CCDC93: variants seen among roughly 807,000 people sequenced by gnomAD.
The protein encoded by CCDC93 is CCC complex scaffolding subunit CCDC93.
In CCDC93, 61 loss-of-function variants were observed where a neutral mutation model predicts 108.2. That is an observed-to-expected ratio of 0.56 (90% confidence interval 0.46 to 0.70). The LOEUF is 0.70. Among genes scored for constraint, CCDC93 ranks in the 30% least tolerant of loss-of-function variants. CCDC93 has a pLI of 0.00. For synonymous variants in CCDC93, 276 were observed against 260.4 expected (o/e 1.06, Z -0.58); for missense variants, 685 against 764.2 (o/e 0.90, Z 1.22).
intron 17 of CCDC93, 88 bp from the exon 18 acceptor site, chr2:117,944,174 A>G (rs1295742615): frequency 1.1e-6 from 1 of 927,244 alleles, no homozygotes; most frequent in Non-Finnish European, 1.6e-6. Context: ...TGTTTTTATC[A>G]TATCTCCCCC....
rs143149414 is a variant in CCDC93 at position 117,986,325 on chromosome 2, T to A, written c.520-256A>T. ...TATATCCTAAACGAAATACGTGGCA[T>A]GTAGTAAGTGATCAATAAATGCAGG... On this transcript the variant is annotated intron_variant, in intron 6 of 23. Transcript: ENST00000376300. Among the ~76,000 whole-genome samples, 18 of 152,274 alleles carry A rather than the reference T, an allele frequency of 1.2e-4. No individual in the cohort carries two copies. The East Asian group carries it at 3.3e-3, about 28-fold the overall frequency.
chr2:117,940,166 A>G (rs1678651931), intron 19 of CCDC93, among the ~76,000 whole-genome samples: 1 of 152,188 alleles, frequency 6.6e-6, no homozygotes, highest in Non-Finnish European at 1.5e-5. Flanking sequence ...AGAGGGGTCC[A>G]GTTTGCCTAA....
chr2:117,977,562 T>C (rs1280240292), intron 8 of CCDC93, among the ~76,000 whole-genome samples: 3 of 152,232 alleles, frequency 2.0e-5, no homozygotes, highest in Non-Finnish European at 4.4e-5. Flanking sequence ...AGAAAAGCCA[T>C]CCTGATTTAC....
chr2:117,920,420 G>T lies in CCDC93; in HGVS notation c.1843-24C>A, dbSNP rs112064362. On this transcript the variant is annotated intron_variant, in intron 23 of 23. Coordinates refer to ENST00000376300, the MANE Select transcript of CCDC93 (RefSeq NM_019044.5). ...TCCTGGAGGGAAAGCAGAGAGTATA[G>T]AGAGAGTGGTGACTACATTAGCACC... 5 of 1,587,896 alleles carry T rather than the reference G, an allele frequency of 3.1e-6. No individual in the cohort carries two copies. The African/African-American group carries it at 5.4e-5, about 17-fold the overall frequency.
chr2:118,000,844 T>C lies in CCDC93; in HGVS notation c.340A>G (p.Ile114Val), dbSNP rs776841417. ...EPHQIQGMDF[I>V]HIFPVVQWLV... ...ACCTGAACAACAGGAAATATGTGAATAAAATCCATCCCCTGGATCTGGTGG... is the reference window on the plus strand; with the variant it reads ...ACCTGAACAACAGGAAATATGTGAACAAAATCCATCCCCTGGATCTGGTGG... The change falls in exon 4 of 24, where the codon ATT (isoleucine) becomes GTT (valine). Residue 114 changes from isoleucine (I) to valine (V), a missense_variant. Transcript: ENST00000376300. The C allele has an allele frequency of 1.2e-6, 2 of 1,612,792 alleles. No individual in the cohort carries two copies. Among genetic ancestry groups the C allele is most frequent in the South Asian group, 1.1e-5 (1 of 91,050 alleles).
chr2:117,985,842 T>A, intron 7 of CCDC93, 127 bp downstream of exon 7: 1 of 601,840 alleles, frequency 1.7e-6, no homozygotes, highest in South Asian at 2.1e-5. Context: ...AAGTCCCTGA[T>A]GTTGGAAATC....
chr2:117,919,154 C>T lies in CCDC93; in HGVS notation c.*1189G>A, dbSNP rs1236214257. On this transcript the variant is annotated 3_prime_UTR_variant, in exon 24 of 24. Transcript: ENST00000376300. ...ATGTTTGATCTGCACTGGTCATTTC[C>T]AAGGATTAAAATCAACCCTCAGCTG... 6.6e-6 allele frequency: 1 copy of T among 152,146 alleles called. No individual in the cohort carries two copies. Among genetic ancestry groups the T allele is most frequent in the Non-Finnish European group, 1.5e-5 (1 of 68,076 alleles). The allele number at this position is 152,146 out of a possible 1,614,324, so 9.4% of individuals were successfully genotyped here. A position where few individuals can be genotyped will look rare whatever the true frequency, so the allele number is the denominator to read the frequency against.
At chr2:117,956,891 ATTTTT>A (rs141216891) in intron 12 of CCDC93, among the ~76,000 whole-genome samples, 1 of 142,910 alleles carries the variant, frequency 7.0e-6, no homozygotes. Flanking sequence ...ACTGGTACCC[ATTTTT>A]TTTTTTTTTT....
chr2:118,010,102 CGTTTTTTT>C (rs1221638136), intron 1 of CCDC93, among the ~76,000 whole-genome samples: 4 of 97,760 alleles, frequency 4.1e-5, no homozygotes, highest in African/African-American at 6.3e-5. Context: ...CCACCACGCC[CGTTTTTTT>C]GTTTGTTTGT....
At chr2:117,997,952 C>A (rs1680710808) in intron 4 of CCDC93, 1 of 152,258 alleles carries the variant, frequency 6.6e-6, no homozygotes, top group South Asian at 2.1e-4. Context: ...CTGGCTGGAT[C>A]CTGGAGAGCA....
At chr2:117,968,404 C>G (rs1419982894) in intron 11 of CCDC93, among the ~76,000 whole-genome samples, 1 of 152,184 alleles carries the variant, frequency 6.6e-6, no homozygotes, top group African/African-American at 2.4e-5. Flanking sequence ...ACCAAAAGCA[C>G]ACTGGTACTT....
intron 23 of CCDC93, among the ~76,000 whole-genome samples, chr2:117,926,067 C>G (rs1051229421): frequency 6.6e-6 from 1 of 151,904 alleles, no homozygotes; most frequent in Non-Finnish European, 1.5e-5. Context: ...TCTTTGAAAC[C>G]AACGAGAACA....
At chr2:117,957,765 T>C (rs1365102016) in intron 12 of CCDC93, among the ~76,000 whole-genome samples, 1 of 152,162 alleles carries the variant, frequency 6.6e-6, no homozygotes, top group Non-Finnish European at 1.5e-5. Flanking sequence ...ATATAGCCCA[T>C]ACAGACTTCC....
chr2:117,951,636 C>T (rs1373116256), intron 13 of CCDC93: 7 of 1,000,060 alleles, frequency 7.0e-6, no homozygotes, highest in Admixed American at 6.1e-5. Context: ...TTCCATAGTA[C>T]GGCTATAGTC....
chr2:117,941,491 G>A (rs1678700125), intron 18 of CCDC93, among the ~76,000 whole-genome samples, 194 bp from the exon 19 acceptor site: 1 of 152,124 alleles, frequency 6.6e-6, no homozygotes, highest in Non-Finnish European at 1.5e-5. Context: ...CTAGGAGTGG[G>A]AGGTGGTGTG....
intron 1 of CCDC93, among the ~76,000 whole-genome samples, chr2:118,011,085 C>T (rs1399761162): frequency 3.3e-5 from 5 of 152,168 alleles, no homozygotes; most frequent in Non-Finnish European, 5.9e-5. Flanking sequence ...ATCCAAACAA[C>T]ATTAAGCTCC....
At chr2:117,939,418 T>A (rs1408797794) in intron 19 of CCDC93, among the ~76,000 whole-genome samples, 2 of 152,222 alleles carry the variant, frequency 1.3e-5, no homozygotes, top group Non-Finnish European at 2.9e-5. Context: ...GGGTTGTAGA[T>A]ATTTGATAAT....
chr2:117,952,411 G>C lies in CCDC93; in HGVS notation c.1030C>G (p.Gln344Glu). 1 of 1,613,274 alleles carries C rather than the reference G, an allele frequency of 6.2e-7. No individual in the cohort carries two copies. Among genetic ancestry groups the C allele is most frequent in the Non-Finnish European group, 8.5e-7 (1 of 1,179,196 alleles). ...EELRASHTSL[Q>E]ARYNEAKKTL... ...TTCTTGGCTTCATTATATCTGGCTT[G>C]TAGGCTGGTGTGACTTGCTCGCAGC... Residue 344 changes from glutamine (Q) to glutamate (E), a missense_variant, in exon 13 of 24, where the codon CAA becomes GAA. Coordinates refer to ENST00000376300, the MANE Select transcript of CCDC93 (RefSeq NM_019044.5).
At position 117,971,720 on chromosome 2, in the gene CCDC93, A is replaced by G. The variant is rs551700066; in HGVS notation, c.888+2188T>C. ...TATGGCTTCAAATGGTGTGTTTTTA[A>G]TCACTGCACTCACTCACTGTCCTAC... On this transcript the variant is annotated intron_variant, in intron 11 of 23. Coordinates refer to ENST00000376300, the MANE Select transcript of CCDC93 (RefSeq NM_019044.5). Among the ~76,000 whole-genome samples, 4 of 152,328 alleles carry G rather than the reference A, an allele frequency of 2.6e-5. No homozygotes were observed. In the South Asian group the frequency reaches 8.3e-4, roughly 32 times the overall value.
Sources: allele counts gnomAD v4.1 joint callset (sites outside exome capture counted in the v4.1 genomes callset), GRCh38; gene constraint gnomAD v4.1.1; transcripts MANE v1.5; gene names NCBI Gene and HGNC (gene_info 2026-07-23, HGNC 2026-07-21).